TRPC5: variants seen among roughly 807,000 people sequenced by gnomAD.
TRPC5 encodes the protein transient receptor potential cation channel subfamily C member 5, also known as short transient receptor potential channel 5.
Under a neutral mutation model 56.5 loss-of-function variants are expected in TRPC5, and 9 were observed. The ratio of observed to expected loss-of-function variants is 0.16; its 90% CI spans 0.10 to 0.28. The LOEUF (loss-of-function observed/expected upper bound fraction) is 0.28, where lower values mean the gene tolerates loss of function less well. Ranked by LOEUF, TRPC5 falls within the 10% of genes least tolerant of loss-of-function variation. The pLI is 1.00. For synonymous variants in TRPC5, 282 were observed against 278.5 expected (o/e 1.01, Z -0.13); for missense variants, 469 against 748.9 (o/e 0.63, Z 4.36).
intron 10 of TRPC5, among the ~76,000 whole-genome samples, 162 bp downstream of exon 10, chrX:111,778,823 T>C (rs1485575877): frequency 1.8e-5 from 2 of 111,947 alleles, no homozygotes; most frequent in Non-Finnish European, 3.8e-5. Flanking sequence ...GTAAAATCTC[T>C]CCGTCTACTG....
chrX:111,826,788 T>C (rs1922250264), intron 7 of TRPC5, among the ~76,000 whole-genome samples: 1 of 112,158 alleles, frequency 8.9e-6, no homozygotes, highest in African/African-American at 3.2e-5. Flanking sequence ...ACAATGGGTA[T>C]GTTGATGAAG....
At chrX:111,807,046 G>C (rs1603037125) in intron 7 of TRPC5, among the ~76,000 whole-genome samples, 1 of 111,222 alleles carries the variant, frequency 9.0e-6, no homozygotes, top group East Asian at 2.8e-4. Context: ...AATGTCTTGA[G>C]GTAGTCTTTT....
At chrX:112,018,634 T>C (rs1225260082) in intron 1 of TRPC5, among the ~76,000 whole-genome samples, 3 of 112,547 alleles carry the variant, frequency 2.7e-5, no homozygotes, top group Non-Finnish European at 5.6e-5. Context: ...TAAAAGGACC[T>C]ATATTAGTTT....
At position 111,769,646 on chromosome X, in the gene TRPC5, A is replaced by G. The variant is rs1945832494; in HGVS notation, c.*6667T>C. Among the ~76,000 whole-genome samples, 1 of 111,945 alleles carries G rather than the reference A, an allele frequency of 8.9e-6. No individual in the cohort carries two copies. Among genetic ancestry groups the G allele is most frequent in the African/African-American group, 3.2e-5 (1 of 30,819 alleles). On this transcript the variant is annotated 3_prime_UTR_variant, in exon 11 of 11. Transcript: ENST00000262839. ...ATTCCTCAATAAAGTTAATTAGGGG[A>G]AAAAAACTAGATTCCCAAGAACAGT...
intron 3 of TRPC5, among the ~76,000 whole-genome samples, chrX:111,900,836 G>A (rs1004838118): frequency 1.4e-4 from 16 of 111,729 alleles, no homozygotes; most frequent in Non-Finnish European, 3.0e-4. Context: ...AAGTGTGGTG[G>A]GGAGTGGTAA....
intron 1 of TRPC5, among the ~76,000 whole-genome samples, chrX:112,035,145 C>T (rs2147722199): frequency 9.4e-6 from 1 of 106,925 alleles, no homozygotes. Context: ...AATGGACTTC[C>T]TCAGGGACAG....
intron 7 of TRPC5, among the ~76,000 whole-genome samples, chrX:111,789,202 G>T (rs1407294061): frequency 2.7e-5 from 3 of 111,676 alleles, no homozygotes; most frequent in African/African-American, 9.8e-5. Context: ...GCATGGTACT[G>T]GTACCAAAAC....
At chrX:111,814,963 CTGA>C (rs767440114) in intron 7 of TRPC5, among the ~76,000 whole-genome samples, 83 of 111,486 alleles carry the variant, frequency 7.4e-4, no homozygotes, top group Non-Finnish European at 1.4e-3. Flanking sequence ...CACTCCACTA[CTGA>C]CATCAAGCCA....
At chrX:111,918,246 G>C (rs1466125290) in intron 2 of TRPC5, among the ~76,000 whole-genome samples, 2 of 111,685 alleles carry the variant, frequency 1.8e-5, no homozygotes, top group African/African-American at 3.3e-5. Context: ...TTAGTAGTTT[G>C]TTATTGAAGA....
chrX:111,844,476 T>G (rs1297393235), intron 6 of TRPC5, among the ~76,000 whole-genome samples: 1 of 106,396 alleles, frequency 9.4e-6, no homozygotes, highest in African/African-American at 3.4e-5. Flanking sequence ...TTTTTTTTTT[T>G]GGAGACGGAG....
chrX:111,953,813 C>T (rs116689987), intron 1 of TRPC5, among the ~76,000 whole-genome samples: 2,477 of 112,390 alleles, frequency 0.022, 52 homozygotes, highest in African/African-American at 0.076. Context: ...GAGAGGCCTA[C>T]CTTATATCAA....
At position 111,776,516 on chromosome X, in the gene TRPC5, C is replaced by G; in HGVS notation, c.2719G>C (p.Gly907Arg). The G allele has an allele frequency of 8.3e-7, 1 of 1,211,019 alleles. No individual in the cohort carries two copies. The highest frequency in any genetic ancestry group is 1.8e-5 in the South Asian group (1 of 56,819). ...SEINLSEVELGEVQGAAQSSE... is the reference protein window; with the variant it reads ...SEINLSEVELREVQGAAQSSE... ...CTCTGAGCAGCGCCCTGGACTTCAC[C>G]TAATTCTACCTCACTGAGGTTAATT... is the stretch of plus-strand genomic sequence containing the variant. The change falls in exon 11 of 11, where the codon GGT becomes CGT. Residue 907 changes from glycine to arginine, a missense_variant. Physicochemically the swap from Gly to Arg is moderately radical, Grantham distance 125. Coordinates refer to ENST00000262839, the MANE Select transcript of TRPC5 (RefSeq NM_012471.3).
At chrX:111,895,069 T>C (rs920475960) in intron 3 of TRPC5, among the ~76,000 whole-genome samples, 1 of 112,047 alleles carries the variant, frequency 8.9e-6, no homozygotes, top group African/African-American at 3.2e-5. Flanking sequence ...CATTCCAGGG[T>C]CATGTGATAG....
chrX:112,029,830 T>G (rs1434561350), intron 1 of TRPC5, among the ~76,000 whole-genome samples: 6 of 70,496 alleles, frequency 8.5e-5, no homozygotes, highest in Non-Finnish European at 1.6e-4. Context: ...AGCCTCATCC[T>G]TTTTTTTTTT....
rs1251671256 is a variant in TRPC5, at chrX:112,082,403, GAAAA to G, written c.-550_-547del. On this transcript the variant is annotated 5_prime_UTR_variant, in exon 1 of 11. It removes the in-frame stop codon of an upstream open reading frame in the 5' UTR. Transcript: ENST00000262839. Reference sequence around the variant, plus strand: ...GATGGAGAGAGAGGGGAGAGAGAGAGAAAAAAAGAGAGAGAGCCGCATTCACACT... The same window carrying G: ...GATGGAGAGAGAGGGGAGAGAGAGAGAAAGAGAGAGAGCCGCATTCACACT... 3 of 110,308 alleles carry G rather than the reference GAAAA, an allele frequency of 2.7e-5. No homozygotes were observed. The highest frequency in any genetic ancestry group is 9.9e-5 in the African/African-American group (3 of 30,158). 9.1% of individuals were successfully genotyped at this position (110,308 alleles called of 1,213,427 possible). A position where few individuals can be genotyped will look rare whatever the true frequency, so the allele number is the denominator to read the frequency against.
intron 7 of TRPC5, among the ~76,000 whole-genome samples, chrX:111,828,475 C>T (rs912055980): frequency 3.7e-4 from 41 of 112,078 alleles, no homozygotes; most frequent in African/African-American, 1.3e-3. Flanking sequence ...GGCCTCCCAG[C>T]CATGCAGAAC....
At chrX:111,928,183 A>G (rs1338956098) in intron 2 of TRPC5, among the ~76,000 whole-genome samples, 1 of 111,757 alleles carries the variant, frequency 8.9e-6, no homozygotes, top group Non-Finnish European at 1.9e-5. Context: ...CCATCATGAT[A>G]AACAATTGAT....
chrX:111,978,885 A>C (rs1276628385), intron 1 of TRPC5, among the ~76,000 whole-genome samples: 4 of 111,447 alleles, frequency 3.6e-5, no homozygotes, highest in Admixed American at 2.9e-4. Flanking sequence ...TATGTCAATT[A>C]TATCTTAATA....
intron 9 of TRPC5, among the ~76,000 whole-genome samples, chrX:111,780,321 T>C (rs1945909888): frequency 1.8e-5 from 2 of 110,884 alleles, no homozygotes; most frequent in Admixed American, 1.9e-4. Flanking sequence ...ACAGAAGTGC[T>C]TCTCTATTTC....
Sources: allele counts gnomAD v4.1 joint callset (sites outside exome capture counted in the v4.1 genomes callset), GRCh38; gene constraint gnomAD v4.1.1; transcripts MANE v1.5; gene names NCBI Gene and HGNC (gene_info 2026-07-23, HGNC 2026-07-21).